The following AGBL1 variants were observed in gnomAD, a reference collection of about 807,000 sequenced individuals.
AGBL1 encodes cytosolic carboxypeptidase 4.
Under a neutral mutation model 118.9 loss-of-function variants are expected in AGBL1, and 130 were observed. The ratio of observed to expected loss-of-function variants is 1.09; its 90% CI spans 0.95 to 1.26. AGBL1 has a LOEUF of 1.26. Ranked by LOEUF, AGBL1 falls within the 50% of genes most tolerant of loss-of-function variation. The pLI is 0.00. For missense variants in AGBL1, 1,584 were observed against 1,298.1 expected (o/e 1.22, Z -3.38); for synonymous variants, 555 against 478.9 (o/e 1.16, Z -2.08).
At chr15:86,952,695 AC>A (rs1420528155) in intron 23 of AGBL1, among the ~76,000 whole-genome samples, 2 of 152,144 alleles carry the variant, frequency 1.3e-5, no homozygotes, top group Admixed American at 6.6e-5. Flanking sequence ...ATTAGGTCCA[AC>A]TTGTCAATTT....
intron 24 of AGBL1, among the ~76,000 whole-genome samples, chr15:86,998,175 T>C (rs1244565905): frequency 2.6e-5 from 4 of 152,176 alleles, no homozygotes; most frequent in African/African-American, 7.2e-5. Flanking sequence ...TGATCTAGTC[T>C]AGTGACTTGC....
chr15:86,821,690 A>G (rs1259738343), intron 22 of AGBL1, among the ~76,000 whole-genome samples: 2 of 152,170 alleles, frequency 1.3e-5, no homozygotes, highest in Non-Finnish European at 2.9e-5. Context: ...TAATAGTAAT[A>G]GTTGTCATTT....
chr15:86,093,378 A>T (rs1010639792), intron 1 of AGBL1, among the ~76,000 whole-genome samples: 4 of 152,212 alleles, frequency 2.6e-5, no homozygotes, highest in African/African-American at 9.6e-5. Flanking sequence ...AAAACCAGGC[A>T]TTAGAGGGAG....
chr15:86,825,696 G>GGAGAAAGCGAGA (rs2079000967), intron 22 of AGBL1, among the ~76,000 whole-genome samples: 1 of 142,218 alleles, frequency 7.0e-6, no homozygotes, highest in Non-Finnish European at 1.5e-5. Flanking sequence ...AGAGAGGGAG[G>GGAGAAAGCGAGA]GAGGGAGGGA....
intron 23 of AGBL1, among the ~76,000 whole-genome samples, chr15:86,956,270 A>G (rs939607468): frequency 2.6e-5 from 4 of 152,044 alleles, no homozygotes; most frequent in African/African-American, 9.7e-5. Context: ...GATTAGATAG[A>G]TGATAGAGAT....
chr15:86,657,888 T>A (rs1319897938), intron 21 of AGBL1, among the ~76,000 whole-genome samples: 1 of 151,662 alleles, frequency 6.6e-6, no homozygotes, highest in Non-Finnish European at 1.5e-5. Flanking sequence ...CACCCTGGAT[T>A]TAGGTTTAGG....
intron 22 of AGBL1, among the ~76,000 whole-genome samples, chr15:86,856,856 A>C (rs1033905917): frequency 2.0e-5 from 3 of 152,222 alleles, no homozygotes; most frequent in Non-Finnish European, 4.4e-5. Context: ...TACTATGCTG[A>C]CTTTGCAAAT....
intron 22 of AGBL1, among the ~76,000 whole-genome samples, chr15:86,723,266 C>T (rs898735043): frequency 1.3e-5 from 2 of 152,130 alleles, no homozygotes; most frequent in African/African-American, 4.8e-5. Flanking sequence ...AATGTCCCAA[C>T]AATGATAGAC....
chr15:86,509,547 T>C (rs1413746534), intron 18 of AGBL1, among the ~76,000 whole-genome samples: 1 of 152,128 alleles, frequency 6.6e-6, no homozygotes, highest in Non-Finnish European at 1.5e-5. Context: ...AATATACTTT[T>C]GGAATTATGT....
At chr15:86,105,825 C>T (rs545440938) in intron 1 of AGBL1, among the ~76,000 whole-genome samples, 1 of 152,296 alleles carries the variant, frequency 6.6e-6, no homozygotes, top group Non-Finnish European at 1.5e-5. Flanking sequence ...TCTTGGTGTA[C>T]AGACTTTGTG....
At chr15:86,595,958 G>A (rs1002219114) in intron 21 of AGBL1, among the ~76,000 whole-genome samples, 7 of 152,058 alleles carry the variant, frequency 4.6e-5, no homozygotes, top group Non-Finnish European at 7.4e-5. Context: ...TCCCTGTGGA[G>A]TTAGTTAGTC....
intron 24 of AGBL1, among the ~76,000 whole-genome samples, chr15:87,015,091 CTCT>C (rs751405181): frequency 7.2e-5 from 11 of 152,270 alleles, no homozygotes; most frequent in Admixed American, 1.3e-4. Flanking sequence ...GAAAGGGACA[CTCT>C]TCTTCTCCTG....
chr15:86,826,621 A>T (rs2079015365), intron 22 of AGBL1, among the ~76,000 whole-genome samples: 1 of 152,062 alleles, frequency 6.6e-6, no homozygotes, highest in Non-Finnish European at 1.5e-5. Context: ...CAGGTTTTAA[A>T]ATTTGCATTT....
chr15:86,135,909 A>C (rs904918651), intron 1 of AGBL1, among the ~76,000 whole-genome samples: 17 of 152,204 alleles, frequency 1.1e-4, no homozygotes, highest in African/African-American at 4.1e-4. Context: ...CACCCGGTTC[A>C]TGTGGAATAC....
intron 21 of AGBL1, among the ~76,000 whole-genome samples, chr15:86,631,409 A>C (rs77454952): frequency 0.12 from 17,541 of 152,230 alleles, 1,153 homozygotes; most frequent in East Asian, 0.15. Context: ...TAACAGCATA[A>C]GTCAAAGATA....
intron 23 of AGBL1, among the ~76,000 whole-genome samples, chr15:86,983,656 T>C (rs905958918): frequency 6.6e-5 from 10 of 152,228 alleles, no homozygotes; most frequent in African/African-American, 2.2e-4. Flanking sequence ...CACAGACTTG[T>C]TACCTCCAAA....
chr15:86,565,928 G>T (rs1449953513), intron 21 of AGBL1, among the ~76,000 whole-genome samples: 1 of 152,230 alleles, frequency 6.6e-6, no homozygotes, highest in East Asian at 1.9e-4. Flanking sequence ...GACCCTCTGA[G>T]CCAGGCGCGG....
intron 21 of AGBL1, among the ~76,000 whole-genome samples, chr15:86,625,379 G>GTTTTTTTTTTT (rs1199638580): frequency 3.4e-5 from 2 of 59,470 alleles, no homozygotes; most frequent in Non-Finnish European, 5.6e-5. Context: ...TTTTTTTTTT[G>GTTTTTTTTTTT]TTTTTGTTTT....
intron 22 of AGBL1, among the ~76,000 whole-genome samples, chr15:86,803,425 C>A (rs2078677274): frequency 6.6e-6 from 1 of 152,158 alleles, no homozygotes; most frequent in African/African-American, 2.4e-5. Context: ...GTCAATTAAA[C>A]CTCTTCCCTT....
Sources: gnomAD v4.1 joint callset for allele counts (sites outside exome capture counted in the v4.1 genomes callset) on GRCh38, gnomAD v4.1.1 for gene constraint, MANE v1.5 for transcripts, NCBI Gene and HGNC (gene_info 2026-07-23, HGNC 2026-07-21) for gene names.